ORC1: variants seen among roughly 807,000 people sequenced by gnomAD.
The protein encoded by ORC1 is origin recognition complex subunit 1.
In ORC1, 61 loss-of-function variants were observed where a neutral mutation model predicts 98.9. The observed-to-expected ratio is 0.62, with a 90% CI of 0.50 to 0.76. The LOEUF (loss-of-function observed/expected upper bound fraction) is 0.76. ORC1 is among the 30% of genes least tolerant of loss of function. The pLI is 0.00. For missense variants in ORC1, 979 were observed against 1,072.2 expected, an observed-to-expected ratio of 0.91 and a Z score of 1.21; for synonymous variants, 385 against 406.9, an observed-to-expected ratio of 0.95 and a Z score of 0.65.
intron 16 of ORC1, among the ~76,000 whole-genome samples, chr1:52,373,638 T>C (rs779869818): frequency 6.6e-6 from 1 of 152,196 alleles, no homozygotes; most frequent in Non-Finnish European, 1.5e-5. Flanking sequence ...CTGCACTCTT[T>C]TGAGCTTCAA....
rs944568350 is a variant in ORC1, at chr1:52,393,371, T to C, written c.1082+72A>G. ...TTTTTCAACTACTGTTCTAACTTTT[T>C]TGACTATGACTCACATACTTCACGT... On this transcript the variant is annotated intron_variant, in intron 6 of 16. Transcript: ENST00000371568. 5 of 1,603,330 alleles carry C rather than the reference T, an allele frequency of 3.1e-6. No homozygotes were observed. In the African/African-American group the frequency reaches 5.4e-5, roughly 17 times the overall value.
At chr1:52,402,945 C>A (rs760849813) in intron 1 of ORC1, among the ~76,000 whole-genome samples, 1 of 152,218 alleles carries the variant, frequency 6.6e-6, no homozygotes, top group African/African-American at 2.4e-5. Context: ...AAGGTGATAA[C>A]TTATCCTATC....
chr1:52,390,120 A>G (rs1456703279), intron 6 of ORC1, among the ~76,000 whole-genome samples: 1 of 152,252 alleles, frequency 6.6e-6, no homozygotes, highest in African/African-American at 2.4e-5. Flanking sequence ...TGCAAAAGCA[A>G]TCTACAGATT....
intron 10 of ORC1, 98 bp downstream of exon 10, chr1:52,385,063 A>T: frequency 2.4e-6 from 2 of 841,372 alleles, no homozygotes; most frequent in Non-Finnish European, 4.2e-6. Context: ...GTCTGCTGAT[A>T]CTGGAGAAAG....
chr1:52,379,841 G>A (rs956562110), intron 14 of ORC1, among the ~76,000 whole-genome samples: 1 of 152,038 alleles, frequency 6.6e-6, no homozygotes, highest in South Asian at 2.1e-4. Flanking sequence ...GCTGAGGCAG[G>A]AGAATGGCTT....
intron 8 of ORC1, 58 bp from the exon 9 acceptor site, chr1:52,386,007 A>G (rs1647139000): frequency 3.3e-6 from 4 of 1,223,474 alleles, no homozygotes; most frequent in Non-Finnish European, 4.8e-6. Context: ...CATCCAGGAC[A>G]CACCAGCAAA....
rs539982797 is a variant in ORC1 at position 52,402,050 on chromosome 1, T to C, written c.95+79A>G. ...TCATTCATGGTCAATCTGTAGTAATTAGAACAGGCTAGATACAAGTTGACT... is the reference window on the plus strand; with the variant it reads ...TCATTCATGGTCAATCTGTAGTAATCAGAACAGGCTAGATACAAGTTGACT... On this transcript the variant is annotated intron_variant, in intron 2 of 16. Transcript: ENST00000371568. 11 of 1,009,056 alleles carry C rather than the reference T, an allele frequency of 1.1e-5. No individual in the cohort carries two copies. In the South Asian group the frequency reaches 1.3e-4, roughly 12 times the overall value. The allele number at this position is 1,009,056 out of a possible 1,614,324, so 62.5% of individuals were successfully genotyped here. A position where few individuals can be genotyped will look rare whatever the true frequency, so the allele number is the denominator to read the frequency against.
At chr1:52,375,359 G>A (rs1646980423) in intron 15 of ORC1, 71 bp downstream of exon 15, 1 of 1,377,712 alleles carries the variant, frequency 7.3e-7, no homozygotes, top group Non-Finnish European at 1.0e-6. Flanking sequence ...CAGGTTGAAT[G>A]AGTAAAAGCT....
upstream of ORC1, chr1:52,404,574 T>G (rs189080112): frequency 1.0e-5 from 6 of 583,390 alleles, no homozygotes; most frequent in East Asian, 1.9e-4. Context: ...ATTGATTCGA[T>G]AGGCGACGCG....
intron 6 of ORC1, among the ~76,000 whole-genome samples, chr1:52,392,724 C>A (rs1254054234): frequency 6.6e-6 from 1 of 152,188 alleles, no homozygotes; most frequent in African/African-American, 2.4e-5. Flanking sequence ...GAATACTACT[C>A]AGCCATAAAA....
intron 14 of ORC1, 80 bp from the exon 15 acceptor site, chr1:52,375,679 C>T (rs1391381147): frequency 6.6e-6 from 9 of 1,369,032 alleles, no homozygotes; most frequent in Non-Finnish European, 9.3e-6. Context: ...TGGCAATGGA[C>T]ATAAGCGTAA....
chr1:52,398,388 C>T (rs1032342392), intron 3 of ORC1, among the ~76,000 whole-genome samples: 1 of 151,696 alleles, frequency 6.6e-6, no homozygotes, highest in Non-Finnish European at 1.5e-5. Context: ...CTCAACCTCC[C>T]GAGTAGCTGG....
At chr1:52,395,932 T>G in intron 5 of ORC1, 114 bp downstream of exon 5, 1 of 1,526,806 alleles carries the variant, frequency 6.5e-7, no homozygotes, top group Non-Finnish European at 8.9e-7. Context: ...TCACTTGAGT[T>G]CCAGGCTATA....
chr1:52,380,647 A>G (rs1647056818), intron 14 of ORC1, among the ~76,000 whole-genome samples: 1 of 151,968 alleles, frequency 6.6e-6, no homozygotes, highest in South Asian at 2.1e-4. Flanking sequence ...GTGAGCTGAG[A>G]TCACGCCACT....
At chr1:52,400,391 C>T (rs1322724423) in intron 3 of ORC1, among the ~76,000 whole-genome samples, 2 of 152,186 alleles carry the variant, frequency 1.3e-5, no homozygotes, top group East Asian at 3.8e-4. Flanking sequence ...CAATTTAAAG[C>T]TTATGACTTG....
intron 14 of ORC1, among the ~76,000 whole-genome samples, chr1:52,377,783 C>G (rs915908184): frequency 1.4e-5 from 2 of 147,654 alleles, no homozygotes; most frequent in African/African-American, 5.0e-5. Flanking sequence ...AATAAAGGAG[C>G]ATGCTGAATT....
At chr1:52,376,098 G>A (rs937287005) in intron 14 of ORC1, among the ~76,000 whole-genome samples, 2 of 152,220 alleles carry the variant, frequency 1.3e-5, no homozygotes, top group Non-Finnish European at 2.9e-5. Context: ...GGGGCTGGAC[G>A]CGGTGGCTCA....
upstream of ORC1, chr1:52,408,775 C>T (rs1483032132): frequency 2.1e-6 from 3 of 1,462,474 alleles, no homozygotes; most frequent in South Asian, 1.2e-5. Flanking sequence ...TTGTCATAGA[C>T]AGTGTGAATG....
chr1:52,404,479 T>G (rs1647898005), upstream of ORC1: 1 of 334,156 alleles, frequency 3.0e-6, no homozygotes. Flanking sequence ...CGTCCCTTCG[T>G]TGCGACACCA....
Sources: allele counts gnomAD v4.1 joint callset (sites outside exome capture counted in the v4.1 genomes callset), GRCh38; gene constraint gnomAD v4.1.1; transcripts MANE v1.5; gene names NCBI Gene and HGNC (gene_info 2026-07-23, HGNC 2026-07-21).